DENND3: variants seen among roughly 807,000 people sequenced by gnomAD.
DENND3 encodes DENN domain containing 3.
A neutral mutation model predicts 135.1 loss-of-function variants in DENND3; 88 were observed. That is an observed-to-expected ratio of 0.65 (90% CI 0.55 to 0.78). DENND3 has a LOEUF of 0.78. DENND3 is among the 30% of genes least tolerant of loss of function. The pLI is 0.00. For missense variants in DENND3, 1,392 were observed against 1,688.4 expected, an observed-to-expected ratio of 0.82 and a Z score of 3.08; for synonymous variants, 693 against 712.3, an observed-to-expected ratio of 0.97 and a Z score of 0.43.
intron 10 of DENND3, 68 bp from the exon 11 acceptor site, chr8:141,165,118 C>T: frequency 8.1e-7 from 1 of 1,238,894 alleles, no homozygotes; most frequent in South Asian, 1.2e-5. Context: ...CAGGAAGGCT[C>T]AGGGGCTTTG....
intron 16 of DENND3, among the ~76,000 whole-genome samples, chr8:141,179,887 C>T (rs1822864882): frequency 6.6e-6 from 1 of 152,204 alleles, no homozygotes; most frequent in South Asian, 2.1e-4. Context: ...CCCTGGACGG[C>T]AGGGACTGAG....
Position 141,137,847 on chromosome 8 carries a change from CAG to C in DENND3, c.386-174_386-173del, listed in dbSNP as rs1440412198. On this transcript the variant is annotated intron_variant, in intron 2 of 22. Coordinates refer to ENST00000519811, the MANE Select transcript of DENND3 (RefSeq NM_001352890.3). The surrounding 1 kb of genome is among the most constrained non-coding windows in gnomAD (Gnocchi z 4.1). ...AGAAATTGCTGTGTGGGGAGGGACT[CAG>C]GGAGGATAGACGGCCGGAGGCGTGA... 1.3e-5 allele frequency among the ~76,000 whole-genome samples: 2 copies of C among 152,304 alleles called. No homozygotes were observed. The highest frequency in any genetic ancestry group is 4.8e-5 in the African/African-American group (2 of 41,578).
intron 13 of DENND3, among the ~76,000 whole-genome samples, chr8:141,172,182 G>T (rs1821695938): frequency 6.7e-6 from 1 of 149,052 alleles, no homozygotes; most frequent in Non-Finnish European, 1.5e-5. Flanking sequence ...CAGTGTGGGT[G>T]TACACTGTGG....
At chr8:141,158,284 T>C in intron 8 of DENND3, 1 of 1,286,866 alleles carries the variant, frequency 7.8e-7, no homozygotes, top group East Asian at 5.6e-5. Flanking sequence ...TCAGTTACTT[T>C]CTGGTAAGCC....
intron 19 of DENND3, among the ~76,000 whole-genome samples, chr8:141,189,364 A>C (rs937757201): frequency 1.3e-5 from 2 of 152,208 alleles, no homozygotes; most frequent in Non-Finnish European, 2.9e-5. Context: ...CGTGGTGATG[A>C]AGGCACCACA....
At chr8:141,190,232 G>C in intron 19 of DENND3, 52 bp from the exon 20 acceptor site, 1 of 1,498,054 alleles carries the variant, frequency 6.7e-7, no homozygotes, top group East Asian at 2.5e-5. Flanking sequence ...AATGTGCACA[G>C]TGTTTTCAGG....
intron 13 of DENND3, among the ~76,000 whole-genome samples, chr8:141,172,289 C>G (rs1404352547): frequency 6.6e-6 from 1 of 151,728 alleles, no homozygotes; most frequent in African/African-American, 2.4e-5. Flanking sequence ...TGGGCATGCA[C>G]TGTCTTGTTC....
In DENND3 at chr8:141,167,594, C is replaced by T. The variant is rs997860451; in HGVS notation, c.1754-410C>T. Among the ~76,000 whole-genome samples the T allele has an allele frequency of 6.6e-6, 1 of 152,152 alleles. No homozygotes were observed. The highest frequency in any genetic ancestry group is 6.5e-5 in the Admixed American group (1 of 15,274). On this transcript the variant is annotated intron_variant, in intron 12 of 22. Coordinates refer to ENST00000519811, the MANE Select transcript of DENND3 (RefSeq NM_001352890.3). This position sits in a 1 kb window ranked among gnomAD's most constrained non-coding sequence, Gnocchi z 4.1. ...AGCCTCGGTTTCCGCATCTGTAGAA[C>T]GGGACTATAGTAATAATACCCCTGT...
In DENND3 at chr8:141,137,586, G is replaced by A. The variant is rs977765313; in HGVS notation, c.386-436G>A. Among the ~76,000 whole-genome samples the A allele has an allele frequency of 6.6e-6, 1 of 152,170 alleles. No individual in the cohort carries two copies. Among genetic ancestry groups the A allele is most frequent in the Non-Finnish European group, 1.5e-5 (1 of 68,032 alleles). On this transcript the variant is annotated intron_variant, in intron 2 of 22. Coordinates refer to ENST00000519811, the MANE Select transcript of DENND3 (RefSeq NM_001352890.3). This position sits in a 1 kb window ranked among gnomAD's most constrained non-coding sequence, Gnocchi z 4.1. ...AGGCCTGCACTTAGTCCCCAGGCTC[G>A]CCAGTTCCAGTTAACAGGTGAGCTT...
At position 141,136,720 on chromosome 8, in the gene DENND3, C is replaced by T. The variant is rs201095031; in HGVS notation, c.314C>T (p.Ala105Val). ...QWKGLPGPPR[A>V]PEPEDVAVPG... ...AAGGGCCTCCCGGGGCCCCCCAGAG[C>T]GCCAGAGCCTGAGGATGTCGCCGTC... is the stretch of plus-strand genomic sequence containing the variant. The change falls in exon 2 of 23, where the codon GCG (alanine) becomes GTG (valine). Residue 105 changes from alanine to valine, a missense_variant. Transcript: ENST00000519811. The T allele has an allele frequency of 3.1e-5, 50 of 1,610,560 alleles. No individual in the cohort carries two copies. The highest frequency in any genetic ancestry group is 1.7e-4 in the Middle Eastern group (1 of 6,048).
Position 141,166,525 on chromosome 8 carries a change from T to C in DENND3, c.1753+136T>C, listed in dbSNP as rs149655185. On this transcript the variant is annotated intron_variant, in intron 12 of 22. Transcript: ENST00000519811. This position sits in a 1 kb window ranked among gnomAD's most constrained non-coding sequence, Gnocchi z 4.3. The stretch of plus-strand genomic sequence containing the variant: ...TAGCAGCTGAGTTATTTGAAATGTT[T>C]AGAATATTCATTTTGCCAAGGTATG... The C allele has an allele frequency of 2.0e-3, 1,963 of 991,300 alleles. 32 individuals carry two copies. In the African/African-American group the frequency reaches 0.028, roughly 14 times the overall value. The allele number at this position is 991,300 out of a possible 1,614,324, so 61.4% of individuals were successfully genotyped here. A position where few individuals can be genotyped will look rare whatever the true frequency, so the allele number is the denominator to read the frequency against.
chr8:141,157,484 T>TGGAGGTGACGCTGGAG (rs1411265224), intron 8 of DENND3: 1 of 985,550 alleles, frequency 1.0e-6, no homozygotes, highest in Non-Finnish European at 1.2e-6. Flanking sequence ...AGTGCGGTCG[T>TGGAGGTGACGCTGGAG]GGAGGTGACG....
chr8:141,144,753 A>G lies in DENND3; in HGVS notation c.735+494A>G, dbSNP rs1817851519. On this transcript the variant is annotated intron_variant, in intron 5 of 22. Coordinates refer to ENST00000519811, the MANE Select transcript of DENND3 (RefSeq NM_001352890.3). This position sits in a 1 kb window ranked among gnomAD's most constrained non-coding sequence, Gnocchi z 4.4. ...GGTTAAAATGGAGATCCTAAGACCG[A>G]CAGAACAGACTCTCTGTGGCCATAA... Among the ~76,000 whole-genome samples, 1 of 152,168 alleles carries G rather than the reference A, an allele frequency of 6.6e-6. No homozygotes were observed. The highest frequency in any genetic ancestry group is 1.5e-5 in the Non-Finnish European group (1 of 68,028).
rs200176874 is a variant in DENND3, at chr8:141,176,770, C to T, written c.2706+9C>T. On this transcript the variant is annotated intron_variant, in intron 15 of 22. Coordinates refer to ENST00000519811, the MANE Select transcript of DENND3 (RefSeq NM_001352890.3). The stretch of plus-strand genomic sequence containing the variant: ...TGGCCGATGACCACAAGGTGGGAGA[C>T]GCGGGTCCCCTCTGCCCTTTGCTGT... The T allele has an allele frequency of 4.5e-4, 729 of 1,611,258 alleles. 9 individuals carry two copies. The highest frequency in any genetic ancestry group is 3.9e-3 in the South Asian group (354 of 91,018).
chr8:141,162,607 G>A (rs1407366384), intron 9 of DENND3, among the ~76,000 whole-genome samples: 1 of 151,988 alleles, frequency 6.6e-6, no homozygotes. Flanking sequence ...CTAAAATCGC[G>A]AGTTTGTAAC....
Position 141,167,733 on chromosome 8 carries a change from C to T in DENND3, c.1754-271C>T, listed in dbSNP as rs972622704. On this transcript the variant is annotated intron_variant, in intron 12 of 22. Transcript: ENST00000519811. The surrounding 1 kb of genome is among the most constrained non-coding windows in gnomAD (Gnocchi z 4.1). ...CATCCTCAAATAAAGCCTCAGTACCCGATACCTCAGTAGTATTACTAGTTG... is the reference window on the plus strand; with the variant it reads ...CATCCTCAAATAAAGCCTCAGTACCTGATACCTCAGTAGTATTACTAGTTG... Among the ~76,000 whole-genome samples the T allele has an allele frequency of 6.6e-6, 1 of 152,148 alleles. No individual in the cohort carries two copies. The highest frequency in any genetic ancestry group is 2.4e-5 in the African/African-American group (1 of 41,428).
At chr8:141,185,945 C>G (rs764100782) in intron 18 of DENND3, among the ~76,000 whole-genome samples, 77 of 151,112 alleles carry the variant, frequency 5.1e-4, no homozygotes, top group Non-Finnish European at 8.7e-4. Context: ...CAATTTCCTT[C>G]TTTTTTTTCT....
rs1822195563 is a variant in DENND3, at chr8:141,175,373, A to T, written c.2449A>T (p.Lys817Ter). 1 of 1,614,120 alleles carries T rather than the reference A, an allele frequency of 6.2e-7. No homozygotes were observed. The highest frequency in any genetic ancestry group is 1.3e-5 in the African/African-American group (1 of 74,938). Residue 817 changes from lysine to a stop codon, truncating the protein, a stop_gained, in exon 14 of 23, where the codon AAG (lysine) becomes TAG (stop). Coordinates refer to ENST00000519811, the MANE Select transcript of DENND3 (RefSeq NM_001352890.3). LOFTEE classifies it high-confidence loss of function. This position sits in a 1 kb window ranked among gnomAD's most constrained non-coding sequence, Gnocchi z 5.4. ...CGTCAAGACAAACCTAGGCGTTGGC[A>T]AGATCGCCATGACCCAGAAGCGCCT... ...SSVKTNLGVG[K>*]IAMTQKRLFL...
chr8:141,190,265 G>T lies in DENND3; in HGVS notation c.3246-19G>T. ...AGGGGCCCAAGTTAAAGGTGTGTGT[G>T]TGTGTTTTGTGCCCCCAGCAACGTG... On this transcript the variant is annotated intron_variant, in intron 19 of 22. Transcript: ENST00000519811. 6 of 1,572,292 alleles carry T rather than the reference G, an allele frequency of 3.8e-6. No homozygotes were observed. The South Asian group carries it at 5.9e-5, about 16-fold the overall frequency.
Sources: allele counts gnomAD v4.1 joint callset (sites outside exome capture counted in the v4.1 genomes callset), GRCh38; gene constraint gnomAD v4.1.1; non-coding constraint Gnocchi (gnomAD v3.1); transcripts MANE v1.5; gene names NCBI Gene and HGNC (gene_info 2026-07-23, HGNC 2026-07-21).